Variants in PREX2 observed in about 807,000 individuals in gnomAD.
PREX2 encodes phosphatidylinositol 3,4,5-trisphosphate-dependent Rac exchanger 2 protein.
Under a neutral mutation model 203.2 loss-of-function variants are expected in PREX2, and 107 were observed. The ratio of observed to expected loss-of-function variants is 0.53; its 90% CI spans 0.45 to 0.62. The LOEUF (loss-of-function observed/expected upper bound fraction) is 0.62. Ranked by LOEUF, PREX2 falls within the 20% of genes least tolerant of loss-of-function variation. The pLI is 0.00. For synonymous variants in PREX2, 672 were observed against 663.6 expected (o/e 1.01, Z -0.19); for missense variants, 1,777 against 1,955.9 (o/e 0.91, Z 1.72).
chr8:67,987,749 A>G (rs1169568481), intron 1 of PREX2, among the ~76,000 whole-genome samples: 1 of 152,044 alleles, frequency 6.6e-6, no homozygotes, highest in Non-Finnish European at 1.5e-5. Flanking sequence ...CTCACACTCC[A>G]TCTTCTCTAA....
At chr8:68,127,885 G>A (rs2129613261) in intron 31 of PREX2, among the ~76,000 whole-genome samples, 1 of 152,202 alleles carries the variant, frequency 6.6e-6, no homozygotes, top group South Asian at 2.1e-4. Context: ...AATATTTGAT[G>A]AGATTCTAAA....
At chr8:67,971,314 C>T (rs1331747373) in intron 1 of PREX2, among the ~76,000 whole-genome samples, 1 of 152,118 alleles carries the variant, frequency 6.6e-6, no homozygotes, top group Non-Finnish European at 1.5e-5. Context: ...CAACAAAAGT[C>T]AGAAAGACTA....
intron 31 of PREX2, among the ~76,000 whole-genome samples, chr8:68,129,475 G>T (rs1317655228): frequency 6.6e-6 from 1 of 152,054 alleles, no homozygotes; most frequent in Non-Finnish European, 1.5e-5. Context: ...GCGAAATTAT[G>T]TTTATTTGAA....
chr8:68,039,268 A>G (rs1257712995), intron 7 of PREX2, among the ~76,000 whole-genome samples: 1 of 152,120 alleles, frequency 6.6e-6, no homozygotes, highest in Non-Finnish European at 1.5e-5. Flanking sequence ...CAGAATCTCC[A>G]TAAGAAGCAC....
intron 1 of PREX2, among the ~76,000 whole-genome samples, chr8:67,954,097 A>C (rs1489257040): frequency 6.6e-6 from 1 of 152,194 alleles, no homozygotes; most frequent in African/African-American, 2.4e-5. Flanking sequence ...TTTTCTTCTA[A>C]TCTTAAACCT....
intron 9 of PREX2, among the ~76,000 whole-genome samples, chr8:68,055,480 GTC>G (rs1563520907): frequency 6.6e-6 from 1 of 151,792 alleles, no homozygotes; most frequent in African/African-American, 2.4e-5. Flanking sequence ...TACCAGAACT[GTC>G]TCTAGGGCTA....
chr8:68,089,376 G>C (rs1809798327), intron 19 of PREX2, among the ~76,000 whole-genome samples: 1 of 152,092 alleles, frequency 6.6e-6, no homozygotes, highest in African/African-American at 2.4e-5. Context: ...CTACGTTACA[G>C]ACAAATTCAG....
intron 7 of PREX2, among the ~76,000 whole-genome samples, 184 bp from the exon 8 acceptor site, chr8:68,044,303 C>G (rs1808279309): frequency 1.3e-5 from 2 of 152,094 alleles, no homozygotes. Context: ...AAGTTGCATA[C>G]TTCATTAAAG....
At chr8:68,047,616 A>G (rs1808408028) in intron 8 of PREX2, among the ~76,000 whole-genome samples, 1 of 150,384 alleles carries the variant, frequency 6.6e-6, no homozygotes, top group Non-Finnish European at 1.5e-5. Flanking sequence ...CCTAGGCTGG[A>G]CTTGAACCCA....
intron 31 of PREX2, 33 bp downstream of exon 31, chr8:68,127,452 T>G (rs778790445): frequency 6.6e-7 from 1 of 1,520,674 alleles, no homozygotes; most frequent in Non-Finnish European, 9.1e-7. Flanking sequence ...TTTTTACTAT[T>G]TAAGTGATTG....
intron 1 of PREX2, among the ~76,000 whole-genome samples, chr8:68,005,398 G>A (rs1232926687): frequency 2.0e-5 from 3 of 152,136 alleles, no homozygotes; most frequent in Non-Finnish European, 4.4e-5. Flanking sequence ...GCTGGAGTGA[G>A]CTTCACACCA....
chr8:68,114,282 T>C (rs1191121590), intron 25 of PREX2: 1 of 506,960 alleles, frequency 2.0e-6, no homozygotes, highest in Admixed American at 2.0e-5. Context: ...GGGTTTGACA[T>C]TATGGAATAT....
intron 1 of PREX2, among the ~76,000 whole-genome samples, chr8:67,969,788 A>G (rs1805874023): frequency 1.3e-5 from 2 of 152,084 alleles, no homozygotes; most frequent in Non-Finnish European, 2.9e-5. Context: ...GTTGCCATTT[A>G]TTTTGGTGAG....
At chr8:68,034,134 C>A (rs1446889853) in intron 6 of PREX2, among the ~76,000 whole-genome samples, 1 of 152,074 alleles carries the variant, frequency 6.6e-6, no homozygotes, top group Non-Finnish European at 1.5e-5. Flanking sequence ...GTAACTGCCA[C>A]CACAGAAAAT....
intron 35 of PREX2, among the ~76,000 whole-genome samples, chr8:68,179,452 G>A (rs913114279): frequency 3.3e-5 from 5 of 152,108 alleles, no homozygotes; most frequent in Admixed American, 2.6e-4. Flanking sequence ...GAAAGAGGGA[G>A]AGCAAGTTTG....
intron 2 of PREX2, among the ~76,000 whole-genome samples, chr8:68,018,265 C>A (rs113476948): frequency 2.0e-5 from 3 of 151,594 alleles, no homozygotes; most frequent in Non-Finnish European, 4.4e-5. Flanking sequence ...GTCAGGAGTT[C>A]GAGACCAGCC....
At chr8:68,132,378 A>G (rs1490925722) in intron 31 of PREX2, among the ~76,000 whole-genome samples, 3 of 151,950 alleles carry the variant, frequency 2.0e-5, no homozygotes, top group African/African-American at 4.8e-5. Flanking sequence ...TGGTTAAGTT[A>G]GTAAATTGAG....
At chr8:68,205,701 T>G (rs546330306) in intron 37 of PREX2, among the ~76,000 whole-genome samples, 1 of 152,342 alleles carries the variant, frequency 6.6e-6, no homozygotes, top group African/African-American at 2.4e-5. Context: ...TCAATAGACT[T>G]TTCACAGTCG....
At chr8:68,167,748 A>C (rs1386885630) in intron 35 of PREX2, among the ~76,000 whole-genome samples, 1 of 152,198 alleles carries the variant, frequency 6.6e-6, no homozygotes, top group Non-Finnish European at 1.5e-5. Context: ...GTCCAGTTCT[A>C]GTATAGTTCC....
Sources: allele counts gnomAD v4.1 joint callset (sites outside exome capture counted in the v4.1 genomes callset), GRCh38; gene constraint gnomAD v4.1.1; transcripts MANE v1.5; gene names NCBI Gene and HGNC (gene_info 2026-07-23, HGNC 2026-07-21).